Variants in ALOX15 observed in about 807,000 individuals in gnomAD.
The protein encoded by ALOX15 is arachidonate 15-lipoxygenase.
Under a neutral mutation model 71.7 loss-of-function variants are expected in ALOX15, and 68 were observed. That is an observed-to-expected ratio of 0.95 (90% CI 0.78 to 1.16). ALOX15 has a LOEUF of 1.16. ALOX15 is among the 50% of genes most tolerant of loss of function. The probability of loss-of-function intolerance (pLI) is 0.00; values close to 1 mark genes in which losing one functional copy is unlikely to be tolerated. For synonymous variants in ALOX15, 346 were observed against 333.3 expected (o/e 1.04, Z -0.42); for missense variants, 798 against 818.8 (o/e 0.97, Z 0.31).
In ALOX15 at chr17:4,633,453, G is replaced by A. The variant is rs772520814; in HGVS notation, c.1209C>T (p.Ala403=). 3 of 1,614,118 alleles carry A rather than the reference G, an allele frequency of 1.9e-6. No homozygotes were observed. Among genetic ancestry groups the A allele is most frequent in the South Asian group, 1.1e-5 (1 of 91,086 alleles). The change falls in exon 9 of 14, where the codon GCC becomes GCT. Residue 403 remains alanine, a synonymous_variant. Coordinates refer to ENST00000293761, the MANE Select transcript of ALOX15 (RefSeq NM_001140.5). ...CCATGTCAGAGACCAGCCCAGTCCT[G>A]GCCCGGACGTTAATTTCCAGGGTGT... ...LRYTLEINVR[A]RTGLVSDMGI...
Position 4,631,776 on chromosome 17 carries a change from C to A in ALOX15, c.1813G>T (p.Ala605Ser), listed in dbSNP as rs1567646070. ...TACTCCTCCTCATGCTGGCCCACAG[C>A]CACCTGGGAGGGAGAGGAAAAGGTG... Reference protein sequence around the residue: ...QLGRRQPVMVAVGQHEEEYFS... With the variant: ...QLGRRQPVMVSVGQHEEEYFS... Residue 605 changes from alanine (A) to serine (S), a missense_variant, in exon 14 of 14, where the codon GCT (alanine) becomes TCT (serine). By Grantham distance (99) the Ala-to-Ser change is moderately conservative. Coordinates refer to ENST00000293761, the MANE Select transcript of ALOX15 (RefSeq NM_001140.5). 4.3e-6 allele frequency: 7 copies of A among 1,613,890 alleles called. No individual in the cohort carries two copies. Among genetic ancestry groups the A allele is most frequent in the Non-Finnish European group, 5.9e-6 (7 of 1,180,000 alleles).
At position 4,632,069 on chromosome 17, in the gene ALOX15, A is replaced by G. The variant is rs1306153156; in HGVS notation, c.1642-13T>C. On this transcript the variant is annotated splice_polypyrimidine_tract_variant and intron_variant, in intron 12 of 13. Transcript: ENST00000293761. ...AGTACCAGTCCAGCTAAGGAAGGGC[A>G]GGGATCCAGAGTCAGTGCCTACCAA... 2 of 1,609,074 alleles carry G rather than the reference A, an allele frequency of 1.2e-6. No homozygotes were observed. The highest frequency in any genetic ancestry group is 8.5e-7 in the Non-Finnish European group (1 of 1,176,696).
intron 1 of ALOX15, among the ~76,000 whole-genome samples, chr17:4,640,423 G>A (rs145470415): frequency 0.79 from 108,579 of 137,398 alleles, 42,811 homozygotes; most frequent in African/African-American, 0.83. Context: ...CAGTTTCCAG[G>A]CACCAGAGCT....
chr17:4,634,624 GTATTGCATTA>G (rs1241258747), intron 8 of ALOX15, among the ~76,000 whole-genome samples: 1 of 151,264 alleles, frequency 6.6e-6, no homozygotes, highest in East Asian at 1.9e-4. Flanking sequence ...ATCTGTCTAT[GTATTGCATTA>G]TATCTGTGCT....
At chr17:4,638,532 C>A in intron 5 of ALOX15, 49 bp downstream of exon 5, 2 of 1,169,824 alleles carry the variant, frequency 1.7e-6, no homozygotes, top group Non-Finnish European at 2.4e-6. Context: ...TGGGTGGGAT[C>A]TGGGTGGGAT....
rs201844503 is a variant in ALOX15, at chr17:4,639,564, C to T, written c.203G>A (p.Arg68Gln). 434 of 1,614,126 alleles carry T rather than the reference C, an allele frequency of 2.7e-4. 1 individual carries two copies. The highest frequency in any genetic ancestry group is 3.5e-4 in the Non-Finnish European group (414 of 1,180,030). Residue 68 changes from arginine to glutamine, a missense_variant, in exon 2 of 14, where the codon CGG (arginine) becomes CAG (glutamine). By Grantham distance (43) the Arg-to-Gln change is conservative (BLOSUM62 1). Transcript: ENST00000293761. ...GPLLFVKLRK[R>Q]HLLKDDAWFC... ...CCAGGCGTCGTCCTTAAGGAGGTGCCGTTTGCGCAGTTTCACAAACAGCAG... is the reference window on the plus strand; with the variant it reads ...CCAGGCGTCGTCCTTAAGGAGGTGCTGTTTGCGCAGTTTCACAAACAGCAG...
Position 4,641,610 on chromosome 17 carries a change from G to C in ALOX15, c.42C>G (p.Leu14=), listed in dbSNP as rs766734241. 5 of 1,613,796 alleles carry C rather than the reference G, an allele frequency of 3.1e-6. No homozygotes were observed. In the African/African-American group the frequency reaches 6.7e-5, roughly 22 times the overall value. Residue 14 remains leucine, a synonymous_variant, in exon 1 of 14, where the codon CTC becomes CTG. Coordinates refer to ENST00000293761, the MANE Select transcript of ALOX15 (RefSeq NM_001140.5). ...YRIRVSTGAS[L]YAGSNNQVQL... is the part of the protein sequence containing the mutation. The stretch of plus-strand genomic sequence containing the variant: ...GCACCTGGTTGTTGGAACCGGCATA[G>C]AGCGAGGCCCCAGTGGACACGCGGA...
At chr17:4,636,836 C>T (rs1389977492) in intron 7 of ALOX15, among the ~76,000 whole-genome samples, 1 of 151,990 alleles carries the variant, frequency 6.6e-6, no homozygotes, top group Non-Finnish European at 1.5e-5. Flanking sequence ...GAGACCTGGC[C>T]CTCCTCCAAA....
chr17:4,631,857 C>T (rs752041196), intron 13 of ALOX15, 32 bp downstream of exon 13: 1 of 1,607,464 alleles, frequency 6.2e-7, no homozygotes, highest in South Asian at 1.1e-5. Flanking sequence ...CAGCTGCCTC[C>T]TTCCTTAGGG....
At chr17:4,641,280 G>C (rs149047559) in intron 1 of ALOX15, among the ~76,000 whole-genome samples, 62 of 152,122 alleles carry the variant, frequency 4.1e-4, no homozygotes, top group Admixed American at 1.8e-3. Flanking sequence ...GCGCACAGGA[G>C]CATGCCCTCA....
In ALOX15 at chr17:4,633,480, T is replaced by C. The variant is rs1472437416; in HGVS notation, c.1182A>G (p.Arg394=). ...CCCGGACGTTAATTTCCAGGGTGTA[T>C]CGCAGGTGGGGAATTATAAGCTAGA... ...PIFKLIIPHL[R]YTLEINVRAR... is the part of the protein sequence containing the mutation. The change falls in exon 9 of 14, where the codon CGA becomes CGG. Residue 394 remains arginine (R), a synonymous_variant. Transcript: ENST00000293761. 6 of 1,614,032 alleles carry C rather than the reference T, an allele frequency of 3.7e-6. No individual in the cohort carries two copies. Among genetic ancestry groups the C allele is most frequent in the Non-Finnish European group, 5.1e-6 (6 of 1,179,998 alleles).
At chr17:4,635,481 C>A (rs1911065028) in intron 8 of ALOX15, among the ~76,000 whole-genome samples, 1 of 151,640 alleles carries the variant, frequency 6.6e-6, no homozygotes, top group African/African-American at 2.4e-5. Context: ...AACGTTATTT[C>A]ACGGGTTCCT....
intron 8 of ALOX15, among the ~76,000 whole-genome samples, chr17:4,635,483 C>T (rs1057056215): frequency 2.6e-5 from 4 of 151,818 alleles, no homozygotes; most frequent in Non-Finnish European, 4.4e-5. Flanking sequence ...CGTTATTTCA[C>T]GGGTTCCTCT....
chr17:4,636,881 G>A (rs1282832506), intron 7 of ALOX15, among the ~76,000 whole-genome samples: 1 of 152,006 alleles, frequency 6.6e-6, no homozygotes, highest in African/African-American at 2.4e-5. Flanking sequence ...TCCCTCCTGG[G>A]CTGTCTCTGT....
intron 8 of ALOX15, among the ~76,000 whole-genome samples, chr17:4,634,355 TAC>T (rs935525930): frequency 3.9e-5 from 6 of 152,118 alleles, no homozygotes; most frequent in African/African-American, 7.2e-5. Flanking sequence ...CAGGCTGAAG[TAC>T]AGTGGTGTGA....
At chr17:4,638,497 C>A in intron 5 of ALOX15, 84 bp downstream of exon 5, 1 of 1,431,000 alleles carries the variant, frequency 7.0e-7, no homozygotes, top group South Asian at 1.2e-5. Context: ...GTCTCCCCAC[C>A]CTGCTTCTTT....
At chr17:4,638,146 C>T (rs775863208) in intron 6 of ALOX15, 71 bp downstream of exon 6, 32 of 575,182 alleles carry the variant, frequency 5.6e-5, no homozygotes, top group Non-Finnish European at 8.8e-5. Context: ...CAGTGGGTCC[C>T]GCAGCAGCAT....
rs760193186 is a variant in ALOX15 at position 4,639,139 on chromosome 17, G to A, written c.338-7C>T. The A allele has an allele frequency of 7.4e-6, 12 of 1,613,936 alleles. No individual in the cohort carries two copies. The South Asian group carries it at 1.2e-4, about 16-fold the overall frequency. On this transcript the variant is annotated splice_region_variant and splice_polypyrimidine_tract_variant and intron_variant, in intron 2 of 13. Coordinates refer to ENST00000293761, the MANE Select transcript of ALOX15 (RefSeq NM_001140.5). ...TCCTCGCCCACAGTGCGGCCTAGAA[G>A]GACAGAGGAGGACTTGGCCAGTGAC... is the stretch of plus-strand genomic sequence containing the variant.
Position 4,639,441 on chromosome 17 carries a change from G to A in ALOX15, c.326C>T (p.Pro109Leu). ...AGCCCCGCGCTTACCGGTGCCTTCA[G>A]GCAGGCTCAGGACGCCGTTGCCCTC... Reference protein sequence around the residue: ...WVEGNGVLSLPEGTGRTVGED... With the variant: ...WVEGNGVLSLLEGTGRTVGED... The change falls in exon 2 of 14, where the codon CCT (proline) becomes CTT (leucine). Residue 109 changes from proline (P) to leucine (L), a missense_variant. This residue lies in a region of ALOX15 where 300 missense variants were observed against 283.1 expected (regional missense o/e 1.06). Transcript: ENST00000293761. 6.2e-7 allele frequency: 1 copy of A among 1,613,516 alleles called. No individual in the cohort carries two copies. The highest frequency in any genetic ancestry group is 8.5e-7 in the Non-Finnish European group (1 of 1,179,950).
Sources: gnomAD v4.1 joint callset for allele counts (sites outside exome capture counted in the v4.1 genomes callset) on GRCh38, gnomAD v4.1.1 for gene constraint, gnomAD v4.1.1 regional missense constraint, MANE v1.5 for transcripts, NCBI Gene and HGNC (gene_info 2026-07-23, HGNC 2026-07-21) for gene names.